Variants in CUL4A observed in about 807,000 individuals in gnomAD.
The protein encoded by CUL4A is cullin 4A.
A neutral mutation model predicts 95.5 loss-of-function variants in CUL4A; 16 were observed. The observed-to-expected ratio is 0.17, with a 90% CI of 0.11 to 0.25. CUL4A has a LOEUF of 0.25. Among genes scored for constraint, CUL4A ranks in the 10% least tolerant of loss-of-function variants. CUL4A has a pLI of 1.00. For missense variants in CUL4A, 610 were observed against 937.0 expected (o/e 0.65, Z 4.56); for synonymous variants, 380 against 353.1 (o/e 1.08, Z -0.85).
intron 2 of CUL4A, among the ~76,000 whole-genome samples, chr13:113,212,840 T>G (rs967241091): frequency 6.6e-6 from 1 of 152,210 alleles, no homozygotes; most frequent in Non-Finnish European, 1.5e-5. Context: ...TGTCCAGTTT[T>G]TCAGTCTCTT....
chr13:113,264,991 A>G lies in CUL4A; in HGVS notation c.*1409A>G, dbSNP rs1402377186. The G allele has an allele frequency of 1.3e-5, 2 of 152,120 alleles. No individual in the cohort carries two copies. Among genetic ancestry groups the G allele is most frequent in the Non-Finnish European group, 2.9e-5 (2 of 68,042 alleles). 9.4% of individuals were successfully genotyped at this position (152,120 alleles called of 1,614,324 possible). Reference sequence around the variant, plus strand: ...TTCGTTGTGTCTAGAGATTGTTAATATTGTAATTTAATGTAGACTTACTTT... The same window carrying G: ...TTCGTTGTGTCTAGAGATTGTTAATGTTGTAATTTAATGTAGACTTACTTT... On this transcript the variant is annotated 3_prime_UTR_variant, in exon 20 of 20. Coordinates refer to ENST00000375440, the MANE Select transcript of CUL4A (RefSeq NM_001008895.4).
chr13:113,224,749 C>T (rs1484830690), intron 3 of CUL4A, among the ~76,000 whole-genome samples: 3 of 152,236 alleles, frequency 2.0e-5, no homozygotes, highest in East Asian at 3.8e-4. Flanking sequence ...CACCCTGAGC[C>T]GTAGGTATCT....
intron 3 of CUL4A, among the ~76,000 whole-genome samples, chr13:113,227,061 G>A (rs942621371): frequency 6.6e-6 from 1 of 152,192 alleles, no homozygotes; most frequent in Non-Finnish European, 1.5e-5. Context: ...AGAGGATGAA[G>A]GGAGGCTGGA....
chr13:113,208,571 C>A (rs2040133480), upstream of CUL4A: 1 of 1,605,110 alleles, frequency 6.2e-7, no homozygotes. Flanking sequence ...CCAACCACGC[C>A]GCCGCGCGCT....
chr13:113,209,222 G>A (rs1309725089), upstream of CUL4A, among the ~76,000 whole-genome samples: 4 of 148,194 alleles, frequency 2.7e-5, no homozygotes, highest in Non-Finnish European at 4.5e-5. Context: ...GGGCCCTCAG[G>A]AGGGTGTCCC....
In CUL4A at chr13:113,224,420, A is replaced by C. The variant is rs143605941; in HGVS notation, c.369-3556A>C. Among the ~76,000 whole-genome samples, 82 of 152,270 alleles carry C rather than the reference A, an allele frequency of 5.4e-4. 1 individual carries two copies. The highest frequency in any genetic ancestry group is 1.9e-3 in the African/African-American group (77 of 41,564). ...CTGTAGATAACTATAGATGAAACTCACATTTTCCTTCCCCTGGTTCACCTT... is the reference window on the plus strand; with the variant it reads ...CTGTAGATAACTATAGATGAAACTCCCATTTTCCTTCCCCTGGTTCACCTT... On this transcript the variant is annotated intron_variant, in intron 3 of 19. Coordinates refer to ENST00000375440, the MANE Select transcript of CUL4A (RefSeq NM_001008895.4).
intron 9 of CUL4A, among the ~76,000 whole-genome samples, chr13:113,238,359 G>T (rs957340739): frequency 6.6e-6 from 1 of 151,918 alleles, no homozygotes; most frequent in African/African-American, 2.4e-5. Flanking sequence ...GGTGAGGTGG[G>T]AGGATCACTT....
intron 15 of CUL4A, among the ~76,000 whole-genome samples, chr13:113,250,967 A>G (rs1319094576): frequency 2.0e-5 from 3 of 152,142 alleles, no homozygotes; most frequent in Non-Finnish European, 4.4e-5. Context: ...TGCCAAGCAG[A>G]TGTGAGGTCA....
upstream of CUL4A, chr13:113,208,681 G>T: frequency 6.4e-7 from 1 of 1,572,122 alleles, no homozygotes; most frequent in Non-Finnish European, 8.6e-7. Flanking sequence ...CCTCAAGCGG[G>T]CCAGCTGGCG....
intron 3 of CUL4A, among the ~76,000 whole-genome samples, chr13:113,224,671 AT>A (rs1314005722): frequency 6.6e-6 from 1 of 152,258 alleles, no homozygotes; most frequent in Non-Finnish European, 1.5e-5. Context: ...TTGACCAGAT[AT>A]CGTGTACGGA....
intron 3 of CUL4A, among the ~76,000 whole-genome samples, chr13:113,222,405 G>A (rs534628961): frequency 6.6e-6 from 1 of 152,258 alleles, no homozygotes; most frequent in South Asian, 2.1e-4. Flanking sequence ...TAGAGGGAAA[G>A]GATCTGACTG....
intron 15 of CUL4A, among the ~76,000 whole-genome samples, chr13:113,251,652 C>A (rs1566366792): frequency 1.3e-5 from 2 of 152,180 alleles, no homozygotes; most frequent in South Asian, 4.1e-4. Flanking sequence ...GCACCTCCCC[C>A]TTCTCTCTCT....
intron 3 of CUL4A, among the ~76,000 whole-genome samples, chr13:113,224,331 T>C (rs990130193): frequency 1.5e-4 from 22 of 151,468 alleles, no homozygotes; most frequent in Middle Eastern, 3.4e-3. Context: ...CCAGCCTGGG[T>C]GACAGAGCGA....
chr13:113,263,459 T>G, intron 19 of CUL4A, 28 bp from the exon 20 acceptor site: 2 of 1,434,822 alleles, frequency 1.4e-6, no homozygotes, highest in Non-Finnish European at 9.7e-7. Context: ...GCCATTGTAA[T>G]TAGGGGGGTT....
chr13:113,227,643 C>G (rs761191364), intron 3 of CUL4A, among the ~76,000 whole-genome samples: 1 of 152,190 alleles, frequency 6.6e-6, no homozygotes, highest in Non-Finnish European at 1.5e-5. Context: ...CGGTGGCTCA[C>G]GCCTGTAATC....
intron 18 of CUL4A, among the ~76,000 whole-genome samples, chr13:113,256,925 C>CGT (rs2042137197): frequency 2.7e-5 from 1 of 37,276 alleles, no homozygotes; most frequent in Non-Finnish European, 5.4e-5. Flanking sequence ...TTTTTTTTTT[C>CGT]GTTTTTTTTT....
At chr13:113,227,634 G>A (rs113278180) in intron 3 of CUL4A, among the ~76,000 whole-genome samples, 120 of 152,282 alleles carry the variant, frequency 7.9e-4, no homozygotes, top group African/African-American at 2.5e-3. Flanking sequence ...GGCCGGTTGC[G>A]GTGGCTCACG....
At chr13:113,226,637 GTAAGAGTGTTCC>G (rs1489471020) in intron 3 of CUL4A, among the ~76,000 whole-genome samples, 1 of 152,148 alleles carries the variant, frequency 6.6e-6, no homozygotes, top group Non-Finnish European at 1.5e-5. Flanking sequence ...AAGAGTCAAG[GTAAGAGTGTTCC>G]TAATTTGGTG....
chr13:113,218,179 A>C (rs2040764108), intron 2 of CUL4A, among the ~76,000 whole-genome samples: 1 of 152,180 alleles, frequency 6.6e-6, no homozygotes, highest in Non-Finnish European at 1.5e-5. Flanking sequence ...TGGAGGTTGC[A>C]GTGAGCCAAG....
Sources: gnomAD v4.1 joint callset for allele counts (sites outside exome capture counted in the v4.1 genomes callset) on GRCh38, gnomAD v4.1.1 for gene constraint, MANE v1.5 for transcripts, NCBI Gene and HGNC (gene_info 2026-07-23, HGNC 2026-07-21) for gene names.